The following RNF170 variants were observed in gnomAD, a reference collection of about 807,000 sequenced individuals.
RNF170 encodes E3 ubiquitin-protein ligase RNF170.
In RNF170, 12 loss-of-function variants were observed where a neutral mutation model predicts 32.7. The observed-to-expected ratio is 0.37, with a 90% CI of 0.24 to 0.60. The LOEUF (loss-of-function observed/expected upper bound fraction) is 0.60, where lower values mean the gene tolerates loss of function less well. Ranked by LOEUF, RNF170 falls within the 20% of genes least tolerant of loss-of-function variation. The pLI, the probability that RNF170 is intolerant of heterozygous loss-of-function variation, is 0.72. For missense variants in RNF170, 212 were observed against 311.2 expected (o/e 0.68, Z 2.40); for synonymous variants, 91 against 103.6 (o/e 0.88, Z 0.74).
chr8:42,889,712 A>G (rs1806137905), intron 1 of RNF170, among the ~76,000 whole-genome samples: 2 of 152,202 alleles, frequency 1.3e-5, no homozygotes, highest in African/African-American at 4.8e-5. Flanking sequence ...AACTATTACG[A>G]AGGTGCACAC....
At chr8:42,869,323 T>A (rs1045826788) in intron 4 of RNF170, among the ~76,000 whole-genome samples, 4 of 152,158 alleles carry the variant, frequency 2.6e-5, no homozygotes, top group African/African-American at 9.7e-5. Flanking sequence ...TGCCCCTCAA[T>A]CTTCTATGGC....
chr8:42,857,693 A>G (rs1005257877), intron 6 of RNF170, among the ~76,000 whole-genome samples: 1 of 152,148 alleles, frequency 6.6e-6, no homozygotes, highest in Admixed American at 6.5e-5. Context: ...GACACAAAAA[A>G]TAATAATTGA....
At chr8:42,888,896 T>C (rs143595472) in intron 1 of RNF170, among the ~76,000 whole-genome samples, 18 of 152,236 alleles carry the variant, frequency 1.2e-4, no homozygotes, top group African/African-American at 4.3e-4. Context: ...CCTCACAGCA[T>C]GTGTATATCT....
At position 42,865,531 on chromosome 8, in the gene RNF170, G is replaced by C. The variant is rs545274600; in HGVS notation, c.323-42C>G. 5.2e-5 allele frequency: 72 copies of C among 1,387,662 alleles called. 1 individual carries two copies. The South Asian group carries it at 8.3e-4, about 16-fold the overall frequency. 86.0% of individuals were successfully genotyped at this position (1,387,662 alleles called of 1,614,324 possible). A position where few individuals can be genotyped will look rare whatever the true frequency, so the allele number is the denominator to read the frequency against. On this transcript the variant is annotated intron_variant, in intron 4 of 6. Transcript: ENST00000527424. The stretch of plus-strand genomic sequence containing the variant: ...AACAAACACATAACCCATTAATATT[G>C]ATGTTTTAAAGTCCACATATCCTCA...
At chr8:42,871,086 T>C (rs560369403) in intron 3 of RNF170, among the ~76,000 whole-genome samples, 18 of 152,160 alleles carry the variant, frequency 1.2e-4, no homozygotes, top group Admixed American at 2.6e-4. Flanking sequence ...GGCGCACACC[T>C]GTAGTCCCAG....
At chr8:42,865,312 G>A in intron 5 of RNF170, 104 bp downstream of exon 5, 1 of 796,990 alleles carries the variant, frequency 1.3e-6, no homozygotes, top group Non-Finnish European at 2.2e-6. Flanking sequence ...GATAAATGAA[G>A]TTCTGCTAAA....
At chr8:42,894,533 A>G (rs188355893) in intron 1 of RNF170, among the ~76,000 whole-genome samples, 1 of 152,280 alleles carries the variant, frequency 6.6e-6, no homozygotes, top group African/African-American at 2.4e-5. Context: ...AGGCACCAAC[A>G]CAGGAACCAA....
chr8:42,869,928 G>T, intron 4 of RNF170, 76 bp downstream of exon 4: 1 of 995,124 alleles, frequency 1.0e-6, no homozygotes, highest in Non-Finnish European at 1.6e-6. Flanking sequence ...AGAGAAAATT[G>T]GGAATCCAGC....
In RNF170 at chr8:42,855,844, T is replaced by G; in HGVS notation, c.*315A>C. The G allele has an allele frequency of 8.3e-7, 1 of 1,203,732 alleles. No individual in the cohort carries two copies. The highest frequency in any genetic ancestry group is 1.1e-6 in the Non-Finnish European group (1 of 928,180). The allele number at this position is 1,203,732 out of a possible 1,614,324, so 74.6% of individuals were successfully genotyped here. A position where few individuals can be genotyped will look rare whatever the true frequency, so the allele number is the denominator to read the frequency against. ...TATTTTACTATACATCTAATTAATCTAAGTAATTCTGGGGAAAAGAAAAAT... is the reference window on the plus strand; with the variant it reads ...TATTTTACTATACATCTAATTAATCGAAGTAATTCTGGGGAAAAGAAAAAT... On this transcript the variant is annotated 3_prime_UTR_variant, in exon 7 of 7. Transcript: ENST00000527424.
intron 1 of RNF170, among the ~76,000 whole-genome samples, chr8:42,890,568 C>T (rs1019626937): frequency 6.6e-6 from 1 of 152,162 alleles, no homozygotes; most frequent in Admixed American, 6.5e-5. Flanking sequence ...TGAGCCACTG[C>T]ACCCGGCCTG....
At chr8:42,861,991 G>A (rs1260929144) in intron 5 of RNF170, 136 bp from the exon 6 acceptor site, 3 of 899,120 alleles carry the variant, frequency 3.3e-6, no homozygotes, top group Non-Finnish European at 4.8e-6. Context: ...GCAACCTGGG[G>A]GAGGGGAGTA....
At chr8:42,886,895 T>C (rs925267040) in intron 2 of RNF170, among the ~76,000 whole-genome samples, 1 of 152,000 alleles carries the variant, frequency 6.6e-6, no homozygotes, top group South Asian at 2.1e-4. Context: ...GGCTCATGAG[T>C]GTAATCCCAG....
At chr8:42,889,506 A>G (rs1479131990) in intron 1 of RNF170, 2 of 152,186 alleles carry the variant, frequency 1.3e-5, no homozygotes, top group Non-Finnish European at 2.9e-5. Flanking sequence ...GAGCTGAAAA[A>G]AGTTTTATTC....
intron 2 of RNF170, among the ~76,000 whole-genome samples, chr8:42,881,764 G>A (rs1036912754): frequency 2.6e-5 from 4 of 151,856 alleles, no homozygotes; most frequent in Admixed American, 6.6e-5. Context: ...GTGAAACACT[G>A]TTTCTACAAA....
intron 1 of RNF170, among the ~76,000 whole-genome samples, chr8:42,893,481 TAA>T (rs1420866149): frequency 6.6e-6 from 1 of 152,188 alleles, no homozygotes; most frequent in African/African-American, 2.4e-5. Context: ...TGGACTTACA[TAA>T]AGTTTCAGTC....
At chr8:42,870,712 G>C (rs552767067) in intron 3 of RNF170, among the ~76,000 whole-genome samples, 3 of 152,182 alleles carry the variant, frequency 2.0e-5, no homozygotes, top group Non-Finnish European at 4.4e-5. Context: ...CTAGGTGACA[G>C]AGCGAGACCC....
At chr8:42,880,640 C>T (rs1290773790) in intron 2 of RNF170, among the ~76,000 whole-genome samples, 2 of 152,088 alleles carry the variant, frequency 1.3e-5, no homozygotes, top group Middle Eastern at 3.4e-3. Flanking sequence ...CATGGTGGTG[C>T]GCACCTGTAA....
rs1421235683 is a variant in RNF170 at position 42,865,406 on chromosome 8, A to G, written c.396+10T>C. 1 of 1,606,576 alleles carries G rather than the reference A, an allele frequency of 6.2e-7. No individual in the cohort carries two copies. The highest frequency in any genetic ancestry group is 1.7e-5 in the Admixed American group (1 of 60,004). ...AGCATAAATGATACTTTCTGCACAC[A>G]AAACATTACCGTTTGTCTACAGATT... On this transcript the variant is annotated intron_variant, in intron 5 of 6. Coordinates refer to ENST00000527424, the MANE Select transcript of RNF170 (RefSeq NM_030954.4).
chr8:42,861,714 C>A, intron 6 of RNF170, 31 bp downstream of exon 6: 1 of 1,500,174 alleles, frequency 6.7e-7, no homozygotes, highest in Non-Finnish European at 9.3e-7. Context: ...GTGTCTTCCT[C>A]TAACTTTGAA....
Sources: allele counts gnomAD v4.1 joint callset (sites outside exome capture counted in the v4.1 genomes callset), GRCh38; gene constraint gnomAD v4.1.1; transcripts MANE v1.5; gene names NCBI Gene and HGNC (gene_info 2026-07-23, HGNC 2026-07-21).